Variants in SI observed in about 807,000 individuals in gnomAD.
The protein encoded by SI is sucrase-isomaltase.
A neutral mutation model predicts 253.3 loss-of-function variants in SI; 235 were observed. The observed-to-expected ratio is 0.93, with a 90% CI of 0.83 to 1.03. The LOEUF (loss-of-function observed/expected upper bound fraction) is 1.03, where lower values mean the gene tolerates loss of function less well. SI is among the 50% of genes least tolerant of loss of function. The pLI is 0.00. For synonymous variants in SI, 819 were observed against 712.0 expected (o/e 1.15, Z -2.39); for missense variants, 2,442 against 2,211.1 (o/e 1.10, Z -2.09).
chr3:165,040,908 GTA>G, intron 18 of SI, 30 bp downstream of exon 18: 1 of 1,538,108 alleles, frequency 6.5e-7, no homozygotes, highest in African/African-American at 1.4e-5. Context: ...ACTTTAAAAG[GTA>G]TTATTATAAT....
chr3:165,033,311 C>A (rs951977734), intron 23 of SI, 84 bp downstream of exon 23: 24 of 1,281,176 alleles, frequency 1.9e-5, no homozygotes, highest in East Asian at 2.9e-5. Flanking sequence ...ATGTAAACAT[C>A]TTTTCCAAAA....
At chr3:164,984,327 T>C (rs768105756) in intron 45 of SI, among the ~76,000 whole-genome samples, 3 of 152,174 alleles carry the variant, frequency 2.0e-5, no homozygotes, top group Admixed American at 2.0e-4. Context: ...ATTTTACCTA[T>C]ACTAAAATGG....
Position 165,023,636 on chromosome 3 carries a change from A to T in SI, c.3033T>A (p.Pro1011=), listed in dbSNP as rs745523546. Residue 1011 remains proline (P), a synonymous_variant, in exon 26 of 48, where the codon CCT becomes CCA. Transcript: ENST00000264382. ...CACGAAGAGTTGAGATGGGGTCAGA[A>T]GGTAACTTTATTCTGGCATTTGCAG... ...LNTANARIKL[P]SDPISTLRVE... The T allele has an allele frequency of 1.2e-6, 2 of 1,611,000 alleles. No individual in the cohort carries two copies. Among genetic ancestry groups the T allele is most frequent in the African/African-American group, 2.7e-5 (2 of 74,804 alleles).
chr3:165,075,840 G>A, intron 2 of SI, 55 bp downstream of exon 2: 1 of 1,043,572 alleles, frequency 9.6e-7, no homozygotes, highest in Middle Eastern at 2.1e-4. Context: ...CTATTGTGGA[G>A]TAACTTCCTC....
chr3:165,030,290 T>C (rs976298232), intron 25 of SI, among the ~76,000 whole-genome samples: 1 of 150,886 alleles, frequency 6.6e-6, no homozygotes, highest in Non-Finnish European at 1.5e-5. Context: ...ATTATCATCC[T>C]TAGTGGAAGA....
Position 164,996,557 on chromosome 3 carries a change from T to C in SI, c.4670A>G (p.Asn1557Ser), listed in dbSNP as rs747880728. Residue 1557 changes from asparagine (N) to serine (S), a missense_variant, in exon 40 of 48, where the codon AAT becomes AGT. Physicochemically the swap from Asn to Ser is conservative, Grantham distance 46. Transcript: ENST00000264382. Reference protein sequence around the residue: ...QLGAFYPYSRNHNIANTRRQD... With the variant: ...QLGAFYPYSRSHNIANTRRQD... ...TACTCTAGTATTTGCAATGTTGTGA[T>C]TCCTTGAGTATGGATAAAATGCTCC... 6.3e-7 allele frequency: 1 copy of C among 1,585,196 alleles called. No homozygotes were observed. Among genetic ancestry groups the C allele is most frequent in the Admixed American group, 1.7e-5 (1 of 59,738 alleles).
At position 165,023,792 on chromosome 3, in the gene SI, A is replaced by T; in HGVS notation, c.2893-16T>A. The T allele has an allele frequency of 1.9e-6, 3 of 1,565,218 alleles. No homozygotes were observed. Among genetic ancestry groups the T allele is most frequent in the African/African-American group, 1.4e-5 (1 of 73,686 alleles). On this transcript the variant is annotated splice_polypyrimidine_tract_variant and intron_variant, in intron 25 of 47. Transcript: ENST00000264382. ...GAGAAGAACCCTAAAAACACAATGC[A>T]TGTTCATTGCCAGAAATTATAAGCC...
chr3:164,989,467 A>G (rs983751192), intron 44 of SI, among the ~76,000 whole-genome samples: 4 of 150,042 alleles, frequency 2.7e-5, no homozygotes, highest in African/African-American at 1.0e-4. Context: ...GGAGAGGAGA[A>G]GAGAGGAGAA....
intron 2 of SI, 89 bp downstream of exon 2, chr3:165,075,806 C>T: frequency 1.2e-6 from 1 of 824,026 alleles, no homozygotes; most frequent in Non-Finnish European, 2.1e-6. Flanking sequence ...TCATCTTACA[C>T]AGATTATTTT....
intron 6 of SI, 88 bp downstream of exon 6, chr3:165,067,252 T>G: frequency 9.6e-7 from 1 of 1,045,946 alleles, no homozygotes; most frequent in South Asian, 1.6e-5. Context: ...GGAGGAAATT[T>G]ATTTCTACTG....
chr3:165,043,957 A>G (rs1357014355), intron 16 of SI, among the ~76,000 whole-genome samples: 1 of 151,970 alleles, frequency 6.6e-6, no homozygotes, highest in African/African-American at 2.4e-5. Flanking sequence ...AGCATCCCTA[A>G]TCCAAAAATC....
At chr3:165,010,544 G>C (rs1378436746) in intron 34 of SI, among the ~76,000 whole-genome samples, 1 of 152,218 alleles carries the variant, frequency 6.6e-6, no homozygotes, top group South Asian at 2.1e-4. Context: ...AGGATAGAAG[G>C]CTTGGTGGGA....
In SI at chr3:165,037,987, A is replaced by G. The variant is rs1181559084; in HGVS notation, c.2339T>C (p.Met780Thr). 6.2e-7 allele frequency: 1 copy of G among 1,608,662 alleles called. No individual in the cohort carries two copies. The highest frequency in any genetic ancestry group is 2.2e-5 in the East Asian group (1 of 44,592). Residue 780 changes from methionine to threonine, a missense_variant, in exon 21 of 48, where the codon ATG becomes ACG. Coordinates refer to ENST00000264382, the MANE Select transcript of SI (RefSeq NM_001041.4). Reference protein sequence around the residue: ...KRPWRKQRVDMYLPADKIGLH... With the variant: ...KRPWRKQRVDTYLPADKIGLH... ...TCCTATTTTGTCTGCTGGAAGATACATATCAACCCGTTGTTTCCTCCATGG... is the reference window on the plus strand; with the variant it reads ...TCCTATTTTGTCTGCTGGAAGATACGTATCAACCCGTTGTTTCCTCCATGG...
rs966629873 is a variant in SI, at chr3:164,988,932, G to T, written c.5109-1706C>A. ...GGCCAGACAATCAGTTATAAAAATG[G>T]TGATAGACAGAAATCTGGGATAGCC... On this transcript the variant is annotated intron_variant, in intron 44 of 47. Transcript: ENST00000264382. Among the ~76,000 whole-genome samples the T allele has an allele frequency of 3.9e-5, 6 of 152,114 alleles. No homozygotes were observed. In the South Asian group the frequency reaches 1.2e-3, roughly 32 times the overall value.
Position 165,038,001 on chromosome 3 carries a change from T to G in SI, c.2325A>C (p.Lys775Asn). 1 of 1,604,130 alleles carries G rather than the reference T, an allele frequency of 6.2e-7. No individual in the cohort carries two copies. Among genetic ancestry groups the G allele is most frequent in the Non-Finnish European group, 8.5e-7 (1 of 1,171,552 alleles). Reference sequence around the variant, plus strand: ...CTGGAAGATACATATCAACCCGTTGTTTCCTCCATGGCCTTTTTGCACCCT... The same window carrying G: ...CTGGAAGATACATATCAACCCGTTGGTTCCTCCATGGCCTTTTTGCACCCT... Reference protein sequence around the residue: ...YESGAKRPWRKQRVDMYLPAD... With the variant: ...YESGAKRPWRNQRVDMYLPAD... The change falls in exon 21 of 48, where the codon AAA becomes AAC. Residue 775 changes from lysine (K) to asparagine (N), a missense_variant. Transcript: ENST00000264382.
Position 165,018,000 on chromosome 3 carries a change from C to T in SI, c.3490G>A (p.Gly1164Ser), listed in dbSNP as rs780949568. The T allele has an allele frequency of 6.2e-7, 1 of 1,611,646 alleles. No homozygotes were observed. The highest frequency in any genetic ancestry group is 1.3e-5 in the African/African-American group (1 of 74,930). Residue 1164 changes from glycine to serine, a missense_variant, in exon 29 of 48, where the codon GGT becomes AGT. Gly to Ser is a moderately conservative substitution (Grantham distance 56). Coordinates refer to ENST00000264382, the MANE Select transcript of SI (RefSeq NM_001041.4). ...GCATTGCTGTTGAGTAAGAAAACAC[C>T]ATGAGCATTGCCCTCCTCTTCCAGA... is the stretch of plus-strand genomic sequence containing the variant. ...MALEEEGNAH[G>S]VFLLNSNAMD...
At position 165,038,029 on chromosome 3, in the gene SI, T is replaced by C; in HGVS notation, c.2302-5A>G. 1 of 1,577,694 alleles carries C rather than the reference T, an allele frequency of 6.3e-7. No individual in the cohort carries two copies. Among genetic ancestry groups the C allele is most frequent in the Non-Finnish European group, 8.7e-7 (1 of 1,147,742 alleles). ...CCTCCATGGCCTTTTTGCACCCTAA[T>C]AATTGGAAGATTAAAAACATTCTTA... On this transcript the variant is annotated splice_polypyrimidine_tract_variant and splice_region_variant and intron_variant, in intron 20 of 47. Transcript: ENST00000264382.
intron 27 of SI, 129 bp from the exon 28 acceptor site, chr3:165,019,899 A>C: frequency 1.2e-6 from 1 of 843,550 alleles, no homozygotes; most frequent in Non-Finnish European, 1.9e-6. Flanking sequence ...AATTATACCC[A>C]GGTACCAAAT....
intron 33 of SI, 128 bp downstream of exon 33, chr3:165,014,995 A>G (rs1436751884): frequency 1.5e-6 from 1 of 688,078 alleles, no homozygotes; most frequent in African/African-American, 1.8e-5. Flanking sequence ...ACATTATTTT[A>G]TTAGTTATTA....
Sources: gnomAD v4.1 joint callset for allele counts (sites outside exome capture counted in the v4.1 genomes callset) on GRCh38, gnomAD v4.1.1 for gene constraint, MANE v1.5 for transcripts, NCBI Gene and HGNC (gene_info 2026-07-23, HGNC 2026-07-21) for gene names.